The following TMEM117 variants were observed in gnomAD, a reference collection of about 807,000 sequenced individuals.
TMEM117 encodes transmembrane protein 117.
Under a neutral mutation model 52.4 loss-of-function variants are expected in TMEM117, and 27 were observed. The observed-to-expected ratio is 0.51, with a 90% CI of 0.38 to 0.71. TMEM117 has a LOEUF of 0.71. Among genes scored for constraint, TMEM117 ranks in the 30% least tolerant of loss-of-function variants. The probability of loss-of-function intolerance (pLI) is 0.00; values close to 1 mark genes in which losing one functional copy is unlikely to be tolerated. For missense variants in TMEM117, 556 were observed against 630.5 expected (o/e 0.88, Z 1.26); for synonymous variants, 215 against 206.3 (o/e 1.04, Z -0.36).
chr12:44,260,828 G>A (rs992996143), intron 5 of TMEM117, among the ~76,000 whole-genome samples: 8 of 152,174 alleles, frequency 5.3e-5, no homozygotes, highest in African/African-American at 1.9e-4. Context: ...GAGAGGAGAG[G>A]CAGATGGGCA....
chr12:44,086,447 C>T (rs1197685969), intron 3 of TMEM117, among the ~76,000 whole-genome samples: 1 of 152,020 alleles, frequency 6.6e-6, no homozygotes, highest in Non-Finnish European at 1.5e-5. Context: ...GATCTCCTGA[C>T]CTCGTGATCC....
intron 5 of TMEM117, among the ~76,000 whole-genome samples, chr12:44,284,422 G>A (rs1178069099): frequency 6.6e-6 from 1 of 152,214 alleles, no homozygotes; most frequent in Non-Finnish European, 1.5e-5. Flanking sequence ...CCAGTCTCGG[G>A]TATGTCTTTA....
intron 6 of TMEM117, among the ~76,000 whole-genome samples, chr12:44,365,827 A>G: frequency 6.6e-6 from 1 of 152,000 alleles, no homozygotes; most frequent in Non-Finnish European, 1.5e-5. Context: ...ACATATGTAT[A>G]CATGTGCCAT....
intron 4 of TMEM117, among the ~76,000 whole-genome samples, chr12:44,154,947 A>AGAACAT (rs1261227927): frequency 6.6e-6 from 1 of 152,028 alleles, no homozygotes; most frequent in Non-Finnish European, 1.5e-5. Flanking sequence ...AATATCTTTG[A>AGAACAT]GAACATGTTT....
At position 43,844,807 on chromosome 12, in the gene TMEM117, A is replaced by G. The variant is rs1943172377; in HGVS notation, c.156A>G (p.Ser52=). The G allele has an allele frequency of 1.9e-6, 3 of 1,614,156 alleles. No homozygotes were observed. Among genetic ancestry groups the G allele is most frequent in the Non-Finnish European group, 2.5e-6 (3 of 1,180,012 alleles). ...ANVIVVGNCF[S]FVTNKYPRGV... ...TTATTGTTGTTGGAAACTGTTTTTC[A>G]TTTGTTACAAATAAATACCCTAGAG... The change falls in exon 2 of 8, where the codon TCA becomes TCG. Residue 52 remains serine (S), a synonymous_variant. Coordinates refer to ENST00000266534, the MANE Select transcript of TMEM117 (RefSeq NM_032256.3).
intron 2 of TMEM117, among the ~76,000 whole-genome samples, chr12:43,854,026 G>C (rs577250721): frequency 6.6e-6 from 1 of 152,266 alleles, no homozygotes; most frequent in South Asian, 2.1e-4. Context: ...ATTTATGTTA[G>C]GAAAGAGGCG....
intron 6 of TMEM117, among the ~76,000 whole-genome samples, chr12:44,366,607 T>C (rs542135078): frequency 1.4e-3 from 210 of 152,218 alleles, no homozygotes; most frequent in Middle Eastern, 6.8e-3. Context: ...CTAACCCTCA[T>C]TGAAGAAAGG....
At chr12:44,392,200 C>T (rs1952164617), downstream of TMEM117, among the ~76,000 whole-genome samples, 1 of 152,102 alleles carries the variant, frequency 6.6e-6, no homozygotes, top group Non-Finnish European at 1.5e-5. Context: ...GTATTTATAA[C>T]TCACAAGTCA....
intron 5 of TMEM117, among the ~76,000 whole-genome samples, chr12:44,252,592 A>G (rs1329000668): frequency 6.6e-6 from 1 of 152,184 alleles, no homozygotes; most frequent in African/African-American, 2.4e-5. Flanking sequence ...AATCCCTATT[A>G]TGTAATCAGG....
chr12:44,012,727 G>A (rs1946313880), intron 3 of TMEM117, among the ~76,000 whole-genome samples: 1 of 151,598 alleles, frequency 6.6e-6, no homozygotes, highest in Non-Finnish European at 1.5e-5. Flanking sequence ...TATTTTTTTC[G>A]ATAAAAGCCC....
chr12:43,954,375 G>GA (rs531731489), intron 3 of TMEM117, among the ~76,000 whole-genome samples: 66 of 151,274 alleles, frequency 4.4e-4, no homozygotes, highest in Admixed American at 1.1e-3. Flanking sequence ...CTGGTTTTTT[G>GA]AAAAAAAATC....
intron 6 of TMEM117, among the ~76,000 whole-genome samples, chr12:44,360,642 G>A (rs1479852038): frequency 6.8e-6 from 1 of 147,084 alleles, no homozygotes; most frequent in African/African-American, 2.4e-5. Flanking sequence ...ACATATTGAT[G>A]TGTAAGGTAA....
intron 6 of TMEM117, among the ~76,000 whole-genome samples, chr12:44,365,076 T>C (rs1798034): frequency 0.023 from 3,426 of 152,138 alleles, 146 homozygotes; most frequent in African/African-American, 0.078. Context: ...ATAGTATTCA[T>C]TACTAGAAAT....
Position 44,182,851 on chromosome 12 carries a change from T to C in TMEM117, c.511-28439T>C, listed in dbSNP as rs188797460. 1.5e-3 allele frequency among the ~76,000 whole-genome samples: 225 copies of C among 152,294 alleles called. 2 individuals are homozygous for C. Among genetic ancestry groups the C allele is most frequent in the African/African-American group, 5.1e-3 (212 of 41,562 alleles). ...ATCTTGTATGCAGAAATAACTTCAT[T>C]TGATGTGTAGTTAAACAAAAAACGC... On this transcript the variant is annotated intron_variant, in intron 4 of 7. Transcript: ENST00000266534.
chr12:43,981,700 A>G (rs1449667402), intron 3 of TMEM117, among the ~76,000 whole-genome samples: 1 of 152,218 alleles, frequency 6.6e-6, no homozygotes, highest in African/African-American at 2.4e-5. Context: ...AGAGCAAAGT[A>G]TTGCCTCAAA....
chr12:43,887,872 T>C (rs908836661), intron 2 of TMEM117, among the ~76,000 whole-genome samples: 41 of 152,320 alleles, frequency 2.7e-4, no homozygotes, highest in African/African-American at 9.1e-4. Context: ...GTAAATTATG[T>C]GGCTGCAGGT....
rs143286690 is a variant in TMEM117, at chr12:44,267,169, C to T, written c.609-32411C>T. Among the ~76,000 whole-genome samples the T allele has an allele frequency of 2.4e-3, 367 of 151,976 alleles. 11 individuals are homozygous for T. In the East Asian group the frequency reaches 0.035, roughly 15 times the overall value. ...AAACATAAAATATATTTCTTTTTAT[C>T]TTCGTCTTCTTTAATTTTTTCAACT... On this transcript the variant is annotated intron_variant, in intron 5 of 7. Coordinates refer to ENST00000266534, the MANE Select transcript of TMEM117 (RefSeq NM_032256.3).
intron 2 of TMEM117, among the ~76,000 whole-genome samples, chr12:43,902,477 T>C (rs147456071): frequency 2.0e-5 from 3 of 152,172 alleles, no homozygotes; most frequent in African/African-American, 7.2e-5. Flanking sequence ...TGACTTGATA[T>C]CTAGTGCTCT....
intron 6 of TMEM117, among the ~76,000 whole-genome samples, chr12:44,369,348 C>T (rs916250353): frequency 2.0e-5 from 3 of 152,178 alleles, no homozygotes; most frequent in Non-Finnish European, 4.4e-5. Context: ...AAACCCGCTG[C>T]TATCTTGCCA....
Sources: gnomAD v4.1 joint callset for allele counts (sites outside exome capture counted in the v4.1 genomes callset) on GRCh38, gnomAD v4.1.1 for gene constraint, MANE v1.5 for transcripts, NCBI Gene and HGNC (gene_info 2026-07-23, HGNC 2026-07-21) for gene names.